The following IQSEC1 variants were observed in gnomAD, a reference collection of about 807,000 sequenced individuals.
IQSEC1 encodes IQ motif and Sec7 domain ArfGEF 1, also known as IQ motif and SEC7 domain-containing protein 1.
In IQSEC1, 31 loss-of-function variants were observed where a neutral mutation model predicts 91.0. The observed-to-expected ratio is 0.34, with a 90% CI of 0.26 to 0.46. The LOEUF is 0.46. Ranked by LOEUF, IQSEC1 falls within the 20% of genes least tolerant of loss-of-function variation. The pLI, the probability that IQSEC1 is intolerant of heterozygous loss-of-function variation, is 1.00. For missense variants in IQSEC1, 1,388 were observed against 1,575.6 expected (o/e 0.88, Z 2.02); for synonymous variants, 699 against 662.6 (o/e 1.05, Z -0.84).
intron 1 of IQSEC1, among the ~76,000 whole-genome samples, chr3:13,222,475 C>A (rs1205994111): frequency 6.6e-6 from 1 of 152,150 alleles, no homozygotes; most frequent in Admixed American, 6.5e-5. Context: ...TCTTTTGGGT[C>A]TACACTGAGA....
intron 1 of IQSEC1, among the ~76,000 whole-genome samples, chr3:13,065,836 G>C (rs1384323914): frequency 6.6e-6 from 1 of 152,218 alleles, no homozygotes; most frequent in Non-Finnish European, 1.5e-5. Context: ...AAACAACCCA[G>C]TGTCCATCAA....
intron 1 of IQSEC1, among the ~76,000 whole-genome samples, chr3:13,240,405 T>C (rs982133899): frequency 1.3e-5 from 2 of 152,058 alleles, no homozygotes; most frequent in Non-Finnish European, 2.9e-5. Context: ...ATTAAAACCC[T>C]GAGCCATTGT....
At chr3:13,219,067 G>T (rs529337409) in intron 1 of IQSEC1, among the ~76,000 whole-genome samples, 1 of 152,148 alleles carries the variant, frequency 6.6e-6, no homozygotes, top group African/African-American at 2.4e-5. Flanking sequence ...GTCTCCCAGC[G>T]GATCTGGCAG....
At position 13,053,040 on chromosome 3, in the gene IQSEC1, C is replaced by G. The variant is rs1285792846; in HGVS notation, c.23+19952G>C. The G allele has an allele frequency of 3.3e-5, 37 of 1,125,854 alleles. 1 individual carries two copies. The South Asian group carries it at 4.3e-4, about 13-fold the overall frequency. 69.7% of individuals were successfully genotyped at this position (1,125,854 alleles called of 1,614,324 possible). On this transcript the variant is annotated intron_variant, in intron 1 of 13. Coordinates refer to ENST00000613206, the MANE Select transcript of IQSEC1 (RefSeq NM_001134382.3). ...CCTGATTTTATTACCAGTTTTCATC[C>G]GAATCCACGGGGGAATGGGACGATT...
chr3:12,923,283 G>T (rs1043155787), intron 4 of IQSEC1, among the ~76,000 whole-genome samples: 6 of 152,164 alleles, frequency 3.9e-5, no homozygotes, highest in Non-Finnish European at 5.9e-5. Flanking sequence ...GGCTTGGAGT[G>T]GGGAGTCGGG....
chr3:12,990,380 T>C (rs757782760), intron 1 of IQSEC1, among the ~76,000 whole-genome samples: 49 of 152,236 alleles, frequency 3.2e-4, no homozygotes, highest in Non-Finnish European at 1.0e-4. Context: ...CAAGAACTTA[T>C]ATCCTCCCCT....
chr3:13,023,559 G>A (rs1031343029), intron 1 of IQSEC1, among the ~76,000 whole-genome samples: 1 of 152,130 alleles, frequency 6.6e-6, no homozygotes, highest in Non-Finnish European at 1.5e-5. Context: ...GGCTCAGAGA[G>A]GGCCATCACC....
At position 12,913,516 on chromosome 3, in the gene IQSEC1, C is replaced by T; in HGVS notation, c.2228G>A (p.Cys743Tyr). Residue 743 changes from cysteine to tyrosine, a missense_variant, in exon 9 of 14, where the codon TGC becomes TAC. Physicochemically the swap from Cys to Tyr is radical, Grantham distance 194 (BLOSUM62 -2). Coordinates refer to ENST00000613206, the MANE Select transcript of IQSEC1 (RefSeq NM_001134382.3). ...SLPHRRLVCYCRLFEVPDPNK... is the reference protein window; with the variant it reads ...SLPHRRLVCYYRLFEVPDPNK... ...TGGGTCTGGAACCTCAAAGAGCCGGCAGTAGCAGACCAACCGACGGTGGGG... is the reference window on the plus strand; with the variant it reads ...TGGGTCTGGAACCTCAAAGAGCCGGTAGTAGCAGACCAACCGACGGTGGGG... 1 of 1,607,264 alleles carries T rather than the reference C, an allele frequency of 6.2e-7. No individual in the cohort carries two copies. Among genetic ancestry groups the T allele is most frequent in the Non-Finnish European group, 8.5e-7 (1 of 1,175,642 alleles).
intron 7 of IQSEC1, 110 bp downstream of exon 7, chr3:12,915,484 C>A: frequency 8.2e-7 from 1 of 1,217,654 alleles, no homozygotes; most frequent in Non-Finnish European, 1.2e-6. Flanking sequence ...ATTCACCAGC[C>A]CTGCTGGAAG....
intron 1 of IQSEC1, among the ~76,000 whole-genome samples, chr3:13,281,026 C>G (rs773648130): frequency 1.3e-5 from 2 of 152,282 alleles, no homozygotes; most frequent in Non-Finnish European, 2.9e-5. Flanking sequence ...CCTCCTGTCC[C>G]CTGCGTGGTC....
chr3:13,146,838 A>G (rs926694935), intron 2 of IQSEC1, among the ~76,000 whole-genome samples: 12 of 151,964 alleles, frequency 7.9e-5, no homozygotes, highest in Non-Finnish European at 1.2e-4. Flanking sequence ...TGTCCCTGCT[A>G]AAAAAAAGAA....
At chr3:13,034,042 C>A (rs1316601175) in intron 1 of IQSEC1, among the ~76,000 whole-genome samples, 2 of 152,256 alleles carry the variant, frequency 1.3e-5, no homozygotes, top group East Asian at 3.8e-4. Context: ...CCCCACATTT[C>A]ACCTTCATTC....
chr3:13,068,740 G>A (rs1705319409), intron 1 of IQSEC1, among the ~76,000 whole-genome samples: 1 of 152,114 alleles, frequency 6.6e-6, no homozygotes, highest in South Asian at 2.1e-4. Context: ...CTGCACCCGG[G>A]GCCCCCACTC....
At chr3:13,206,896 A>G (rs1430750469) in intron 1 of IQSEC1, among the ~76,000 whole-genome samples, 1 of 152,054 alleles carries the variant, frequency 6.6e-6, no homozygotes, top group Non-Finnish European at 1.5e-5. Context: ...CGTGTACCTG[A>G]GGTCCTGGGT....
chr3:13,094,062 T>G (rs929170689), intron 2 of IQSEC1, among the ~76,000 whole-genome samples: 7 of 152,164 alleles, frequency 4.6e-5, no homozygotes, highest in Non-Finnish European at 1.0e-4. Context: ...CGTGTTATAC[T>G]GTAAGAGCAA....
chr3:13,019,523 C>A (rs543488977), intron 1 of IQSEC1, among the ~76,000 whole-genome samples: 8 of 152,258 alleles, frequency 5.3e-5, no homozygotes, highest in Non-Finnish European at 8.8e-5. Flanking sequence ...GCTTCCCTGG[C>A]AGCCGAGGGG....
intron 1 of IQSEC1, among the ~76,000 whole-genome samples, chr3:13,233,454 C>G (rs990579685): frequency 3.3e-5 from 5 of 152,212 alleles, no homozygotes; most frequent in Non-Finnish European, 7.3e-5. Context: ...GCTGAGCCAC[C>G]CGCTACCATT....
At chr3:13,104,749 G>A (rs1282329333) in intron 2 of IQSEC1, among the ~76,000 whole-genome samples, 23 of 152,158 alleles carry the variant, frequency 1.5e-4, no homozygotes, top group Admixed American at 1.4e-3. Flanking sequence ...ACTAGCGGAC[G>A]CTAACCCAAC....
At chr3:13,130,211 G>T (rs958655454) in intron 2 of IQSEC1, among the ~76,000 whole-genome samples, 1 of 151,136 alleles carries the variant, frequency 6.6e-6, no homozygotes, top group Non-Finnish European at 1.5e-5. Flanking sequence ...AGGTGTGGTG[G>T]CGCGCGCCTG....
Sources: gnomAD v4.1 joint callset for allele counts (sites outside exome capture counted in the v4.1 genomes callset) on GRCh38, gnomAD v4.1.1 for gene constraint, MANE v1.5 for transcripts, NCBI Gene and HGNC (gene_info 2026-07-23, HGNC 2026-07-21) for gene names.